Variants in OPCML observed in about 807,000 individuals in gnomAD.
The protein encoded by OPCML is opioid-binding protein/cell adhesion molecule.
A neutral mutation model predicts 37.8 loss-of-function variants in OPCML; 13 were observed. The observed-to-expected ratio is 0.34, with a 90% CI of 0.22 to 0.55. OPCML has a LOEUF of 0.55. Among genes scored for constraint, OPCML ranks in the 20% least tolerant of loss-of-function variants. The pLI is 0.91. For missense variants in OPCML, 341 were observed against 435.6 expected (o/e 0.78, Z 1.93); for synonymous variants, 176 against 168.8 (o/e 1.04, Z -0.33).
intron 1 of OPCML, among the ~76,000 whole-genome samples, chr11:133,075,056 C>T (rs1565433209): frequency 6.6e-6 from 1 of 152,160 alleles, no homozygotes; most frequent in African/African-American, 2.4e-5. Context: ...GTGCAGTGGA[C>T]GTCAGCCTCT....
intron 1 of OPCML, among the ~76,000 whole-genome samples, chr11:133,136,165 T>C (rs1949686302): frequency 6.6e-6 from 1 of 152,192 alleles, no homozygotes; most frequent in Admixed American, 6.5e-5. Context: ...TAATAATGCA[T>C]ACAGTAAAAC....
At chr11:132,715,677 G>A (rs1250488307) in intron 2 of OPCML, among the ~76,000 whole-genome samples, 1 of 152,078 alleles carries the variant, frequency 6.6e-6, no homozygotes, top group African/African-American at 2.4e-5. Flanking sequence ...AACCTGGAAG[G>A]GTGTCCTCAA....
rs1937621215 is a variant in OPCML at position 133,177,396 on chromosome 11, C to T, written c.62-234386G>A. Among the ~76,000 whole-genome samples the T allele has an allele frequency of 6.6e-6, 1 of 152,144 alleles. No homozygotes were observed. The highest frequency in any genetic ancestry group is 6.5e-5 in the Admixed American group (1 of 15,280). ...CCTGAGGAAATCAGTAATCTTGAAC[C>T]ACTAATGCTAATTTATGATTTTGGA... On this transcript the variant is annotated intron_variant, in intron 1 of 7. Transcript: ENST00000524381. This position sits in a 1 kb window ranked among gnomAD's most constrained non-coding sequence, Gnocchi z 5.0.
chr11:132,524,156 G>A (rs985054764), intron 4 of OPCML, among the ~76,000 whole-genome samples: 1 of 152,152 alleles, frequency 6.6e-6, no homozygotes, highest in Non-Finnish European at 1.5e-5. Flanking sequence ...TCCCATCCCT[G>A]CAACTTTTTC....
chr11:133,256,482 C>T (rs576124135), intron 1 of OPCML, among the ~76,000 whole-genome samples: 54 of 152,282 alleles, frequency 3.5e-4, no homozygotes, highest in African/African-American at 1.3e-3. Context: ...ATAACCTTTG[C>T]TATGATTATT....
intron 1 of OPCML, among the ~76,000 whole-genome samples, chr11:133,073,549 C>T (rs1450357340): frequency 6.6e-6 from 1 of 152,232 alleles, no homozygotes; most frequent in African/African-American, 2.4e-5. Context: ...ATTGGCAATG[C>T]CAGCCATAGA....
At chr11:133,398,310 A>T (rs189387964) in intron 1 of OPCML, among the ~76,000 whole-genome samples, 1 of 152,180 alleles carries the variant, frequency 6.6e-6, no homozygotes, top group African/African-American at 2.4e-5. Context: ...TTTGGAAATC[A>T]GCTCCTTTGT....
chr11:133,443,600 C>T (rs911456062), intron 1 of OPCML, among the ~76,000 whole-genome samples: 1 of 152,228 alleles, frequency 6.6e-6, no homozygotes, highest in African/African-American at 2.4e-5. Flanking sequence ...GGTTACTTCA[C>T]CCCTTCATTG....
chr11:133,017,428 C>T (rs574895624), intron 1 of OPCML, among the ~76,000 whole-genome samples: 1 of 151,690 alleles, frequency 6.6e-6, no homozygotes, highest in African/African-American at 2.4e-5. Flanking sequence ...GATGAAGTCT[C>T]GCTCTGTCAC....
chr11:132,458,575 T>A (rs2096090426), intron 4 of OPCML, among the ~76,000 whole-genome samples: 1 of 152,246 alleles, frequency 6.6e-6, no homozygotes, highest in African/African-American at 2.4e-5. Context: ...TTCTAACAAC[T>A]TGCTTTGTAG....
intron 1 of OPCML, among the ~76,000 whole-genome samples, chr11:133,113,971 C>T (rs1949294522): frequency 6.6e-6 from 1 of 152,210 alleles, no homozygotes; most frequent in African/African-American, 2.4e-5. Flanking sequence ...AACTTGGCCT[C>T]ATGCTTGGGA....
At chr11:133,294,815 C>CTTTTTTTTTTTTTTTTTTTTT (rs59382534) in intron 1 of OPCML, among the ~76,000 whole-genome samples, 2 of 56,554 alleles carry the variant, frequency 3.5e-5, no homozygotes, top group African/African-American at 1.6e-4. Context: ...TTCTTTCTTT[C>CTTTTTTTTTTTTTTTTTTTTT]TTTTTTTTTT....
intron 2 of OPCML, among the ~76,000 whole-genome samples, chr11:132,716,899 A>G (rs183454591): frequency 1.3e-5 from 2 of 152,302 alleles, no homozygotes; most frequent in Admixed American, 6.5e-5. Context: ...AATAATTTTT[A>G]GAACTATCCC....
chr11:133,387,256 G>A (rs941031385), intron 1 of OPCML, among the ~76,000 whole-genome samples: 5 of 152,210 alleles, frequency 3.3e-5, no homozygotes, highest in East Asian at 1.9e-4. Context: ...CCAATTAACC[G>A]GTAAGTGGTC....
intron 1 of OPCML, among the ~76,000 whole-genome samples, chr11:133,196,966 CAG>C (rs1237097321): frequency 3.9e-5 from 6 of 152,190 alleles, no homozygotes; most frequent in African/African-American, 1.4e-4. Flanking sequence ...CTAGTAAAGA[CAG>C]GGTGCAGAGA....
At chr11:133,147,142 C>A (rs1005290564) in intron 1 of OPCML, among the ~76,000 whole-genome samples, 2 of 152,184 alleles carry the variant, frequency 1.3e-5, no homozygotes, top group Non-Finnish European at 2.9e-5. Context: ...ATCACTTCAA[C>A]TTTAAATAGC....
At chr11:133,070,811 G>C (rs543694707) in intron 1 of OPCML, among the ~76,000 whole-genome samples, 1 of 152,198 alleles carries the variant, frequency 6.6e-6, no homozygotes, top group Admixed American at 6.5e-5. Context: ...AGGAGCAGGG[G>C]CTGGGGGTCA....
intron 1 of OPCML, among the ~76,000 whole-genome samples, chr11:133,218,093 C>T (rs1939663334): frequency 6.6e-6 from 1 of 151,288 alleles, no homozygotes; most frequent in African/African-American, 2.4e-5. Context: ...GCTGAACCTG[C>T]TTCACGCCGG....
At chr11:132,492,899 C>T (rs1337638313) in intron 4 of OPCML, among the ~76,000 whole-genome samples, 1 of 152,108 alleles carries the variant, frequency 6.6e-6, no homozygotes, top group Non-Finnish European at 1.5e-5. Flanking sequence ...CATCTAGCAC[C>T]TGACAGGTAC....
Sources: allele counts gnomAD v4.1 joint callset (sites outside exome capture counted in the v4.1 genomes callset), GRCh38; gene constraint gnomAD v4.1.1; non-coding constraint Gnocchi (gnomAD v3.1); transcripts MANE v1.5; gene names NCBI Gene and HGNC (gene_info 2026-07-23, HGNC 2026-07-21).